The following CACNA2D3 variants were observed in gnomAD, a reference collection of about 807,000 sequenced individuals.
CACNA2D3 encodes the protein voltage-dependent calcium channel subunit alpha-2/delta-3.
Under a neutral mutation model 160.6 loss-of-function variants are expected in CACNA2D3, and 60 were observed. That is an observed-to-expected ratio of 0.37 (90% CI 0.30 to 0.46). The LOEUF is 0.46. CACNA2D3 is among the 20% of genes least tolerant of loss of function. The pLI is 1.00. For missense variants in CACNA2D3, 1,205 were observed against 1,365.0 expected (o/e 0.88, Z 1.85); for synonymous variants, 558 against 492.9 (o/e 1.13, Z -1.75).
chr3:54,663,858 C>T (rs1018991335), intron 11 of CACNA2D3, among the ~76,000 whole-genome samples: 5 of 152,218 alleles, frequency 3.3e-5, no homozygotes, highest in African/African-American at 1.2e-4. Context: ...TTCACTGCCA[C>T]CCTCTCCTGC....
chr3:54,974,581 G>C (rs1171813532), intron 29 of CACNA2D3, among the ~76,000 whole-genome samples: 2 of 152,138 alleles, frequency 1.3e-5, no homozygotes, highest in African/African-American at 4.8e-5. Context: ...TTAACTTCAG[G>C]TATCTACCTG....
At chr3:55,064,564 C>A (rs561090247) in intron 35 of CACNA2D3, among the ~76,000 whole-genome samples, 15 of 152,308 alleles carry the variant, frequency 9.8e-5, no homozygotes, top group African/African-American at 3.6e-4. Context: ...GTGCATGCCC[C>A]ATTGGCCTCT....
At position 55,071,841 on chromosome 3, in the gene CACNA2D3, C is replaced by G. The variant is rs113606287; in HGVS notation, c.2988-1604C>G. ...GACACACTTGGCTTAATCTTCTAGT[C>G]AGCCATTTGTTCTTCAGAGTGTTTT... is the stretch of plus-strand genomic sequence containing the variant. On this transcript the variant is annotated intron_variant, in intron 35 of 37. Coordinates refer to ENST00000474759, the MANE Select transcript of CACNA2D3 (RefSeq NM_018398.3). Among the ~76,000 whole-genome samples the G allele has an allele frequency of 6.6e-5, 10 of 152,280 alleles. 1 individual carries two copies. The highest frequency in any genetic ancestry group is 2.4e-4 in the African/African-American group (10 of 41,564).
chr3:54,755,574 A>T (rs947862323), intron 12 of CACNA2D3, among the ~76,000 whole-genome samples: 1 of 152,288 alleles, frequency 6.6e-6, no homozygotes, highest in Admixed American at 6.5e-5. Context: ...ACTAAAAGGT[A>T]TCAATAATTC....
intron 2 of CACNA2D3, among the ~76,000 whole-genome samples, chr3:54,153,741 A>G (rs1299488361): frequency 6.6e-6 from 1 of 152,192 alleles, no homozygotes; most frequent in Non-Finnish European, 1.5e-5. Flanking sequence ...TTATATGGGC[A>G]TTGCACTGGT....
Position 54,549,872 on chromosome 3 carries a change from G to A in CACNA2D3, c.545-12928G>A, listed in dbSNP as rs147797120. ...AGGCTCACAAAATCATATTTTACTG[G>A]GAGCCAGGCCTGTCTGGAAGATGGA... On this transcript the variant is annotated intron_variant, in intron 5 of 37. Transcript: ENST00000474759. Among the ~76,000 whole-genome samples, 964 of 152,218 alleles carry A rather than the reference G, an allele frequency of 6.3e-3. 11 individuals are homozygous for A. Among genetic ancestry groups the A allele is most frequent in the African/African-American group, 0.022 (899 of 41,520 alleles).
chr3:54,855,040 A>G (rs1699137793), intron 17 of CACNA2D3, among the ~76,000 whole-genome samples: 1 of 152,160 alleles, frequency 6.6e-6, no homozygotes, highest in Non-Finnish European at 1.5e-5. Flanking sequence ...TCCTCAGGTT[A>G]TTTGACAAAA....
chr3:54,406,067 GA>G (rs1699570528), intron 4 of CACNA2D3, among the ~76,000 whole-genome samples: 1 of 152,080 alleles, frequency 6.6e-6, no homozygotes, highest in Admixed American at 6.6e-5. Flanking sequence ...AGGCTGTGGA[GA>G]AAAGGAAACT....
chr3:54,839,281 G>A (rs1225454557), intron 16 of CACNA2D3, among the ~76,000 whole-genome samples: 3 of 151,968 alleles, frequency 2.0e-5, no homozygotes, highest in African/African-American at 7.2e-5. Flanking sequence ...AAAATAGTCC[G>A]GAGAGTTCTT....
chr3:54,764,206 G>A lies in CACNA2D3; in HGVS notation c.1247-12G>A. 6.2e-7 allele frequency: 1 copy of A among 1,613,164 alleles called. No individual in the cohort carries two copies. Among genetic ancestry groups the A allele is most frequent in the Non-Finnish European group, 8.5e-7 (1 of 1,179,530 alleles). ...CTGTTACTAAACTTGGCCCTCCCTT[G>A]GGTTTTGACAGGATTTTTTACCCAG... On this transcript the variant is annotated splice_polypyrimidine_tract_variant and intron_variant, in intron 12 of 37. Transcript: ENST00000474759.
chr3:54,557,046 C>G (rs1169300070), intron 5 of CACNA2D3, among the ~76,000 whole-genome samples: 1 of 152,052 alleles, frequency 6.6e-6, no homozygotes, highest in Non-Finnish European at 1.5e-5. Context: ...CTTTTCCTAT[C>G]TTTTAAATGA....
chr3:54,569,839 T>A lies in CACNA2D3; in HGVS notation c.721T>A (p.Cys241Ser). The A allele has an allele frequency of 6.2e-7, 1 of 1,608,722 alleles. No individual in the cohort carries two copies. The highest frequency in any genetic ancestry group is 8.5e-7 in the Non-Finnish European group (1 of 1,177,292). Residue 241 changes from cysteine (C) to serine (S), a missense_variant, in exon 7 of 38, where the codon TGC (cysteine) becomes AGC (serine). By Grantham distance (112) the Cys-to-Ser change is moderately radical. Around this residue, in one of 3 missense-constraint regions of CACNA2D3, gnomAD observed 131 missense variants for 201.5 expected, o/e 0.65. Coordinates refer to ENST00000474759, the MANE Select transcript of CACNA2D3 (RefSeq NM_018398.3). Reference protein sequence around the residue: ...PDENGVIAFDCRNRKWYIQAA... With the variant: ...PDENGVIAFDSRNRKWYIQAA... Reference sequence around the variant, plus strand: ...TGAGAATGGAGTCATTGCCTTCGACTGCAGGAACCGAAAATGGTAGGCAGT... The same window carrying A: ...TGAGAATGGAGTCATTGCCTTCGACAGCAGGAACCGAAAATGGTAGGCAGT...
At chr3:54,616,704 A>C (rs778833598) in intron 9 of CACNA2D3, among the ~76,000 whole-genome samples, 4 of 152,162 alleles carry the variant, frequency 2.6e-5, no homozygotes, top group Admixed American at 1.3e-4. Flanking sequence ...CTAATATAAA[A>C]AGTTTCTGGC....
chr3:54,903,331 T>A (rs1246902155), intron 27 of CACNA2D3, among the ~76,000 whole-genome samples: 2 of 152,218 alleles, frequency 1.3e-5, no homozygotes, highest in Non-Finnish European at 2.9e-5. Flanking sequence ...CCTGCATTAG[T>A]TTGCTAAGGA....
At chr3:54,691,151 CT>C (rs1700563171) in intron 11 of CACNA2D3, among the ~76,000 whole-genome samples, 1 of 152,182 alleles carries the variant, frequency 6.6e-6, no homozygotes, top group African/African-American at 2.4e-5. Context: ...CCGCCAGAGC[CT>C]TCTACCACCC....
At chr3:54,313,384 G>A (rs1364840218) in intron 2 of CACNA2D3, among the ~76,000 whole-genome samples, 1 of 151,984 alleles carries the variant, frequency 6.6e-6, no homozygotes, top group Non-Finnish European at 1.5e-5. Flanking sequence ...TCTCCATCCA[G>A]TTTTGCCCCC....
intron 2 of CACNA2D3, among the ~76,000 whole-genome samples, chr3:54,179,250 G>A (rs1320669903): frequency 2.0e-5 from 3 of 152,198 alleles, no homozygotes; most frequent in Non-Finnish European, 4.4e-5. Flanking sequence ...GAATGTGACC[G>A]CTTGCATCGT....
At chr3:54,822,099 A>G (rs1189950077) in intron 14 of CACNA2D3, among the ~76,000 whole-genome samples, 1 of 152,108 alleles carries the variant, frequency 6.6e-6, no homozygotes, top group Non-Finnish European at 1.5e-5. Context: ...CATGTAAACT[A>G]TTACATCTTG....
chr3:54,709,222 C>T (rs902055744), intron 11 of CACNA2D3, among the ~76,000 whole-genome samples: 5 of 151,884 alleles, frequency 3.3e-5, no homozygotes, highest in Admixed American at 1.3e-4. Context: ...ACCATATTGG[C>T]CAGGCTGGTC....
Sources: gnomAD v4.1 joint callset for allele counts (sites outside exome capture counted in the v4.1 genomes callset) on GRCh38, gnomAD v4.1.1 for gene constraint, gnomAD v4.1.1 regional missense constraint, MANE v1.5 for transcripts, NCBI Gene and HGNC (gene_info 2026-07-23, HGNC 2026-07-21) for gene names.